FTCDNL1: variants seen among roughly 807,000 people sequenced by gnomAD.
FTCDNL1 encodes the protein formiminotransferase cyclodeaminase N-terminal like.
Under a neutral mutation model 5.9 loss-of-function variants are expected in FTCDNL1, and 11 were observed. The observed-to-expected ratio is 1.87, with a 90% confidence interval of 1.18 to 3.10. The LOEUF (loss-of-function observed/expected upper bound fraction) is 3.10. Ranked by LOEUF, FTCDNL1 falls within the 30% of genes most tolerant of loss-of-function variation. The pLI is 0.00. For synonymous variants in FTCDNL1, 58 were observed against 24.8 expected (o/e 2.34, Z -3.99); for missense variants, 115 against 65.5 (o/e 1.76, Z -2.61).
chr2:199,671,980 G>T, the FTCDNL1 span, among the ~76,000 whole-genome samples: 1 of 151,808 alleles, frequency 6.6e-6, no homozygotes, highest in Non-Finnish European at 1.5e-5. Context: ...ACATGGGGTG[G>T]GATCACAGTG....
At chr2:199,791,866 AC>A (rs1449097826) in intron 3 of FTCDNL1, among the ~76,000 whole-genome samples, 2 of 152,118 alleles carry the variant, frequency 1.3e-5, no homozygotes, top group East Asian at 3.9e-4. Flanking sequence ...ATGTGTATAT[AC>A]CTATTTGTAT....
chr2:199,822,851 G>GC (rs1218656284), intron 3 of FTCDNL1, among the ~76,000 whole-genome samples: 1 of 151,822 alleles, frequency 6.6e-6, no homozygotes, highest in Admixed American at 6.6e-5. Context: ...TAGTTGTTGG[G>GC]TTTTTTTGTT....
At chr2:199,665,661 GA>G in the FTCDNL1 span, among the ~76,000 whole-genome samples, 1 of 98,326 alleles carries the variant, frequency 1.0e-5, no homozygotes, top group Non-Finnish European at 2.2e-5. Context: ...AAAGAATAAA[GA>G]AAGAAAGAAG....
At chr2:199,805,063 C>A (rs1434913509), downstream of FTCDNL1, among the ~76,000 whole-genome samples, 7 of 152,090 alleles carry the variant, frequency 4.6e-5, no homozygotes, top group African/African-American at 7.2e-5. Flanking sequence ...ACAAGGCAAG[C>A]TCTGACAAGT....
the FTCDNL1 span, among the ~76,000 whole-genome samples, chr2:199,681,321 T>C: frequency 6.6e-6 from 1 of 152,000 alleles, no homozygotes; most frequent in African/African-American, 2.4e-5. Context: ...CCGGGTGTGG[T>C]GGCACACGCC....
At chr2:199,773,185 A>G (rs999176605) in intron 3 of FTCDNL1, among the ~76,000 whole-genome samples, 2 of 152,166 alleles carry the variant, frequency 1.3e-5, no homozygotes, top group Non-Finnish European at 2.9e-5. Flanking sequence ...CTTCCCCACT[A>G]TGGTAACTCT....
At chr2:199,806,804 T>C (rs983965510), downstream of FTCDNL1, among the ~76,000 whole-genome samples, 1 of 152,180 alleles carries the variant, frequency 6.6e-6, no homozygotes, top group Non-Finnish European at 1.5e-5. Context: ...TAGCCTAGCT[T>C]GTTGCTTTCC....
At chr2:199,787,230 G>A (rs759539445) in intron 3 of FTCDNL1, among the ~76,000 whole-genome samples, 1 of 151,412 alleles carries the variant, frequency 6.6e-6, no homozygotes, top group Non-Finnish European at 1.5e-5. Context: ...CACCCAGGCT[G>A]GAGTGCAAGT....
downstream of FTCDNL1, among the ~76,000 whole-genome samples, chr2:199,806,534 C>G (rs1261832235): frequency 6.6e-6 from 1 of 152,210 alleles, no homozygotes; most frequent in Non-Finnish European, 1.5e-5. Context: ...CCTTGCAGAT[C>G]TCTCACAGAG....
At chr2:199,747,330 T>C in the FTCDNL1 span, among the ~76,000 whole-genome samples, 26 of 152,278 alleles carry the variant, frequency 1.7e-4, no homozygotes, top group South Asian at 5.2e-3. Flanking sequence ...TACATGGATA[T>C]ACGTCTATTG....
chr2:199,765,893 C>T (rs1307428186), intron 3 of FTCDNL1, among the ~76,000 whole-genome samples: 1 of 151,950 alleles, frequency 6.6e-6, no homozygotes, highest in Non-Finnish European at 1.5e-5. Context: ...ATTCTCCTGC[C>T]TTGACACCCT....
chr2:199,784,023 G>A (rs1330142674), intron 3 of FTCDNL1, among the ~76,000 whole-genome samples: 2 of 152,052 alleles, frequency 1.3e-5, no homozygotes, highest in African/African-American at 4.8e-5. Flanking sequence ...CCCAAATGAG[G>A]CCCTAACCTC....
intron 3 of FTCDNL1, among the ~76,000 whole-genome samples, chr2:199,791,234 T>G (rs958269475): frequency 3.9e-5 from 6 of 151,926 alleles, no homozygotes; most frequent in Admixed American, 3.9e-4. Flanking sequence ...AGGAAAAAAT[T>G]TAAAAGATAT....
chr2:199,722,439 A>G, the FTCDNL1 span, among the ~76,000 whole-genome samples: 1 of 152,042 alleles, frequency 6.6e-6, no homozygotes, highest in Non-Finnish European at 1.5e-5. Flanking sequence ...ATGGTTGTAG[A>G]TGTGCGGTCT....
chr2:199,782,510 T>C (rs1204176968), intron 3 of FTCDNL1, among the ~76,000 whole-genome samples: 2 of 152,216 alleles, frequency 1.3e-5, no homozygotes, highest in Admixed American at 6.5e-5. Flanking sequence ...GCTTCTCTAC[T>C]GGGAAGGTTC....
At chr2:199,765,556 A>ATATATATATATTTTT in intron 3 of FTCDNL1, among the ~76,000 whole-genome samples, 1 of 42,662 alleles carries the variant, frequency 2.3e-5, no homozygotes, top group South Asian at 1.9e-3. Context: ...ATATATATAT[A>ATATATATATATTTTT]TTTTTTTTTT....
chr2:199,781,438 T>C (rs1206494469), intron 3 of FTCDNL1, among the ~76,000 whole-genome samples: 3 of 152,202 alleles, frequency 2.0e-5, no homozygotes, highest in Non-Finnish European at 4.4e-5. Flanking sequence ...GAATCATCTA[T>C]AGGCATTATT....
At position 199,819,634 on chromosome 2, in the gene FTCDNL1, C is replaced by G. The variant is rs893242815; in HGVS notation, c.335G>C (p.Arg112Thr). 7 of 702,306 alleles carry G rather than the reference C, an allele frequency of 1.0e-5. No individual in the cohort carries two copies. The highest frequency in any genetic ancestry group is 1.8e-5 in the Non-Finnish European group (7 of 384,816). 43.5% of individuals were successfully genotyped at this position (702,306 alleles called of 1,614,324 possible). ...RRKQLGWFTR[R>T]DFSALQPDLG... The stretch of plus-strand genomic sequence containing the variant: ...GTCAGGCTGAAGAGCACTGAAATCC[C>G]TCCTCGTGAACCAGCCCAGCTGCTT... The change falls in exon 4 of 5, where the codon AGG becomes ACG. Residue 112 changes from arginine to threonine, a missense_variant. Transcript: ENST00000420128.
At chr2:199,697,578 G>C in the FTCDNL1 span, among the ~76,000 whole-genome samples, 1 of 152,136 alleles carries the variant, frequency 6.6e-6, no homozygotes, top group South Asian at 2.1e-4. Context: ...ACAAGCAAAT[G>C]CTAAGGGAAT....
Sources: gnomAD v4.1 joint callset for allele counts (sites outside exome capture counted in the v4.1 genomes callset) on GRCh38, gnomAD v4.1.1 for gene constraint, MANE v1.5 for transcripts, NCBI Gene and HGNC (gene_info 2026-07-23, HGNC 2026-07-21) for gene names.